EXOC4: variants seen among roughly 807,000 people sequenced by gnomAD.
EXOC4 encodes SEC8-like 1.
In EXOC4, 71 loss-of-function variants were observed where a neutral mutation model predicts 107.2. That is an observed-to-expected ratio of 0.66 (90% CI 0.55 to 0.81). The LOEUF (loss-of-function observed/expected upper bound fraction) is 0.81. EXOC4 is among the 30% of genes least tolerant of loss of function. The pLI is 0.00. For synonymous variants in EXOC4, 456 were observed against 441.2 expected (o/e 1.03, Z -0.42); for missense variants, 1,108 against 1,189.6 (o/e 0.93, Z 1.01).
intron 17 of EXOC4, among the ~76,000 whole-genome samples, chr7:134,035,916 A>G (rs1030232395): frequency 4.6e-5 from 7 of 152,122 alleles, no homozygotes; most frequent in Non-Finnish European, 1.0e-4. Context: ...ACTTCCTCCC[A>G]TGTCCTGTTG....
chr7:133,871,683 T>G (rs1466055582), intron 11 of EXOC4, among the ~76,000 whole-genome samples: 1 of 152,170 alleles, frequency 6.6e-6, no homozygotes, highest in Non-Finnish European at 1.5e-5. Context: ...TGCTTCACAT[T>G]CTTCCTCTAC....
At chr7:134,063,988 T>C (rs1422300807) in intron 17 of EXOC4, among the ~76,000 whole-genome samples, 2 of 152,146 alleles carry the variant, frequency 1.3e-5, no homozygotes, top group East Asian at 3.9e-4. Context: ...TACTTTTCTT[T>C]CCTTTCTCCC....
Position 134,006,864 on chromosome 7 carries a change from A to G in EXOC4, c.2528-812A>G, listed in dbSNP as rs71535769. Among the ~76,000 whole-genome samples the G allele has an allele frequency of 2.8e-3, 430 of 152,282 alleles. 2 individuals carry two copies. Among genetic ancestry groups the G allele is most frequent in the Non-Finnish European group, 3.7e-3 (252 of 68,014 alleles). On this transcript the variant is annotated intron_variant, in intron 16 of 17. Transcript: ENST00000253861. ...CGTTGTTCTGAACCAGTGTCTCTCAACTTAATTACATGGGATATCCTGAGG... is the reference window on the plus strand; with the variant it reads ...CGTTGTTCTGAACCAGTGTCTCTCAGCTTAATTACATGGGATATCCTGAGG...
Position 133,979,657 on chromosome 7 carries a change from G to A in EXOC4, c.2207-17835G>A, listed in dbSNP as rs1034202905. 1.8e-4 allele frequency among the ~76,000 whole-genome samples: 27 copies of A among 151,978 alleles called. No homozygotes were observed. The East Asian group carries it at 3.7e-3, about 21-fold the overall frequency. On this transcript the variant is annotated intron_variant, in intron 14 of 17. Coordinates refer to ENST00000253861, the MANE Select transcript of EXOC4 (RefSeq NM_021807.4). ...AAAAAAATTAGCCGGGCATGGTGGC[G>A]GGCGCCTGTAGTCCCAGCTACTCGG...
intron 3 of EXOC4, among the ~76,000 whole-genome samples, chr7:133,305,240 ATCTTCC>A (rs1244081879): frequency 6.6e-6 from 1 of 152,130 alleles, no homozygotes; most frequent in Admixed American, 6.5e-5. Flanking sequence ...CACCGGGAGT[ATCTTCC>A]TCTTCATGTT....
At chr7:133,906,445 G>T (rs138807341) in intron 12 of EXOC4, among the ~76,000 whole-genome samples, 19 of 152,288 alleles carry the variant, frequency 1.2e-4, no homozygotes, top group African/African-American at 4.6e-4. Flanking sequence ...AGTAAAGAGA[G>T]CTCACTAAAA....
At chr7:133,841,560 C>G (rs981850835) in intron 11 of EXOC4, among the ~76,000 whole-genome samples, 4 of 152,084 alleles carry the variant, frequency 2.6e-5, no homozygotes, top group African/African-American at 9.7e-5. Context: ...TTTTTCCTGC[C>G]TCCTTCCTCA....
intron 10 of EXOC4, among the ~76,000 whole-genome samples, chr7:133,704,124 T>C (rs983621194): frequency 2.0e-5 from 3 of 152,150 alleles, no homozygotes; most frequent in Admixed American, 6.5e-5. Flanking sequence ...AGGAATAAAT[T>C]AATTTTTAAA....
intron 2 of EXOC4, among the ~76,000 whole-genome samples, chr7:133,284,357 A>G (rs183145030): frequency 6.6e-6 from 1 of 152,294 alleles, no homozygotes; most frequent in African/African-American, 2.4e-5. Context: ...CACATAGAGG[A>G]AAAAGCTGAG....
At chr7:133,441,618 C>T (rs1035793223) in intron 7 of EXOC4, among the ~76,000 whole-genome samples, 2 of 152,088 alleles carry the variant, frequency 1.3e-5, no homozygotes, top group Non-Finnish European at 2.9e-5. Context: ...GTCTTGAGCT[C>T]CTGGCATCAA....
At chr7:134,003,967 C>T (rs1230739133) in intron 15 of EXOC4, among the ~76,000 whole-genome samples, 1 of 152,070 alleles carries the variant, frequency 6.6e-6, no homozygotes, top group Non-Finnish European at 1.5e-5. Context: ...AAATGCCCTC[C>T]TTCCTCAAGC....
chr7:133,754,121 G>T (rs988336355), intron 10 of EXOC4, among the ~76,000 whole-genome samples: 1 of 152,130 alleles, frequency 6.6e-6, no homozygotes, highest in African/African-American at 2.4e-5. Context: ...CTTGAAATCA[G>T]ATTGTTTCAG....
chr7:133,970,139 C>T (rs1801168621), intron 14 of EXOC4, among the ~76,000 whole-genome samples: 1 of 152,134 alleles, frequency 6.6e-6, no homozygotes, highest in South Asian at 2.1e-4. Context: ...GCTTTGTTTA[C>T]ACTGTGAGGG....
At chr7:133,803,653 G>T (rs1797001477) in intron 10 of EXOC4, among the ~76,000 whole-genome samples, 1 of 152,222 alleles carries the variant, frequency 6.6e-6, no homozygotes, top group East Asian at 1.9e-4. Flanking sequence ...ATATTCACTT[G>T]CAAGTAATCA....
At chr7:133,903,665 TA>T (rs1799505442) in intron 12 of EXOC4, among the ~76,000 whole-genome samples, 1 of 152,104 alleles carries the variant, frequency 6.6e-6, no homozygotes. Context: ...GAGTTGGACA[TA>T]TGCATCAAAA....
At chr7:133,717,442 G>T (rs940470541) in intron 10 of EXOC4, among the ~76,000 whole-genome samples, 1 of 152,032 alleles carries the variant, frequency 6.6e-6, no homozygotes, top group African/African-American at 2.4e-5. Context: ...CATGCTTGCC[G>T]CCCCCCAACC....
chr7:133,925,072 A>T (rs779976754), intron 13 of EXOC4, among the ~76,000 whole-genome samples: 26 of 152,362 alleles, frequency 1.7e-4, no homozygotes, highest in Admixed American at 9.8e-4. Flanking sequence ...TTAGAGTACC[A>T]TAGAATATGG....
At chr7:133,328,273 T>A (rs1266188002) in intron 5 of EXOC4, among the ~76,000 whole-genome samples, 1 of 152,022 alleles carries the variant, frequency 6.6e-6, no homozygotes, top group Non-Finnish European at 1.5e-5. Context: ...TTGCTTTCCA[T>A]TTGCTTGGTA....
At chr7:133,344,844 A>G (rs1044826525) in intron 5 of EXOC4, among the ~76,000 whole-genome samples, 2 of 152,106 alleles carry the variant, frequency 1.3e-5, no homozygotes, top group Non-Finnish European at 2.9e-5. Context: ...TTCACATTCT[A>G]CCTTTGTTTG....
Sources: allele counts gnomAD v4.1 joint callset (sites outside exome capture counted in the v4.1 genomes callset), GRCh38; gene constraint gnomAD v4.1.1; transcripts MANE v1.5; gene names NCBI Gene and HGNC (gene_info 2026-07-23, HGNC 2026-07-21).